The following SNX29 variants were observed in gnomAD, a reference collection of about 807,000 sequenced individuals.
SNX29 encodes the protein sorting nexin 29.
Under a neutral mutation model 102.1 loss-of-function variants are expected in SNX29, and 78 were observed. The observed-to-expected ratio is 0.76, with a 90% confidence interval of 0.64 to 0.92. The LOEUF (loss-of-function observed/expected upper bound fraction) is 0.92, where lower values mean the gene tolerates loss of function less well. Ranked by LOEUF, SNX29 falls within the 40% of genes least tolerant of loss-of-function variation. The pLI, the probability that SNX29 is intolerant of heterozygous loss-of-function variation, is 0.00. For synonymous variants in SNX29, 580 were observed against 414.5 expected (o/e 1.40, Z -4.85); for missense variants, 1,280 against 1,061.7 (o/e 1.21, Z -2.86).
intron 19 of SNX29, among the ~76,000 whole-genome samples, chr16:12,479,291 A>C (rs1171553229): frequency 6.6e-6 from 1 of 152,230 alleles, no homozygotes; most frequent in Admixed American, 6.5e-5. Context: ...TGTCTTCAGG[A>C]GGTACCGTGC....
chr16:12,425,671 GC>G (rs1470106727), intron 18 of SNX29, among the ~76,000 whole-genome samples: 1 of 152,056 alleles, frequency 6.6e-6, no homozygotes, highest in Non-Finnish European at 1.5e-5. Flanking sequence ...TCCCAGGGCA[GC>G]CTGGGCCAGT....
At chr16:12,475,220 C>G (rs536463934) in intron 18 of SNX29, among the ~76,000 whole-genome samples, 1 of 152,286 alleles carries the variant, frequency 6.6e-6, no homozygotes, top group African/African-American at 2.4e-5. Context: ...GCCCACTCGT[C>G]AGAATCACTG....
At chr16:12,370,237 CA>C (rs2082633920) in intron 16 of SNX29, among the ~76,000 whole-genome samples, 1 of 151,626 alleles carries the variant, frequency 6.6e-6, no homozygotes, top group East Asian at 1.9e-4. Context: ...CAAAACAAAA[CA>C]AAAACAAAAA....
At chr16:12,296,734 A>G (rs888134823) in intron 15 of SNX29, among the ~76,000 whole-genome samples, 1 of 152,222 alleles carries the variant, frequency 6.6e-6, no homozygotes, top group African/African-American at 2.4e-5. Context: ...TGCTGTTTTG[A>G]GTGCCAGTCA....
intron 15 of SNX29, among the ~76,000 whole-genome samples, chr16:12,327,944 C>G (rs561315132): frequency 3.3e-5 from 5 of 152,306 alleles, no homozygotes; most frequent in African/African-American, 1.2e-4. Flanking sequence ...CGCATAATCT[C>G]CGTGTGGAGT....
intron 4 of SNX29, among the ~76,000 whole-genome samples, chr16:12,034,648 T>C (rs996014407): frequency 2.0e-5 from 3 of 152,126 alleles, no homozygotes; most frequent in Non-Finnish European, 4.4e-5. Context: ...TGTCTCAGCA[T>C]GTTAAGATCT....
At chr16:12,413,743 C>T (rs953121047) in intron 18 of SNX29, among the ~76,000 whole-genome samples, 1 of 152,232 alleles carries the variant, frequency 6.6e-6, no homozygotes, top group Non-Finnish European at 1.5e-5. Context: ...TCACGCCAGG[C>T]GCCCTGCCCC....
chr16:12,071,885 A>G (rs2051316666), intron 10 of SNX29, among the ~76,000 whole-genome samples: 1 of 152,196 alleles, frequency 6.6e-6, no homozygotes, highest in South Asian at 2.1e-4. Flanking sequence ...GAGGTCCTTC[A>G]CGTCCCTTGT....
At chr16:12,152,063 A>G (rs1015242206) in intron 13 of SNX29, among the ~76,000 whole-genome samples, 1 of 152,178 alleles carries the variant, frequency 6.6e-6, no homozygotes, top group African/African-American at 2.4e-5. Flanking sequence ...TACAAAAAAT[A>G]TAAAGAAATT....
At chr16:11,988,880 A>G (rs1331619413) in intron 1 of SNX29, among the ~76,000 whole-genome samples, 1 of 152,212 alleles carries the variant, frequency 6.6e-6, no homozygotes, top group Non-Finnish European at 1.5e-5. Context: ...CAATGGCAGA[A>G]TTGAGTAACT....
At position 11,986,128 on chromosome 16, in the gene SNX29, G is replaced by A. The variant is rs529838379; in HGVS notation, c.7+9315G>A. Among the ~76,000 whole-genome samples the A allele has an allele frequency of 2.6e-5, 4 of 152,080 alleles. No individual in the cohort carries two copies. In the South Asian group the frequency reaches 8.3e-4, roughly 32 times the overall value. Reference sequence around the variant, plus strand: ...CCAGAATTGCCTTTTCCTGAGGTGGGAGAGCCAGTAGGGGAGCAGGTTAGG... The same window carrying A: ...CCAGAATTGCCTTTTCCTGAGGTGGAAGAGCCAGTAGGGGAGCAGGTTAGG... On this transcript the variant is annotated intron_variant, in intron 1 of 20. Transcript: ENST00000566228.
chr16:12,518,242 T>A (rs1024099138), intron 19 of SNX29, among the ~76,000 whole-genome samples: 1 of 152,118 alleles, frequency 6.6e-6, no homozygotes, highest in African/African-American at 2.4e-5. Flanking sequence ...TCAGATCAGC[T>A]ACCTGATGCC....
In SNX29 at chr16:12,459,725, G is replaced by T. The variant is rs575152837; in HGVS notation, c.2038-17994G>T. Among the ~76,000 whole-genome samples the T allele has an allele frequency of 2.0e-5, 3 of 152,260 alleles. No individual in the cohort carries two copies. In the South Asian group the frequency reaches 6.2e-4, roughly 32 times the overall value. ...CAGAGGAGCAGAGCAGCATGGCCTC[G>T]CAGCTAACCTTGGACTTGGGTGGCT... On this transcript the variant is annotated intron_variant, in intron 18 of 20. Coordinates refer to ENST00000566228, the MANE Select transcript of SNX29 (RefSeq NM_032167.5).
intron 3 of SNX29, among the ~76,000 whole-genome samples, chr16:12,008,145 C>T (rs538345700): frequency 1.1e-4 from 16 of 152,246 alleles, no homozygotes; most frequent in South Asian, 4.1e-4. Flanking sequence ...GGGGTTTCAC[C>T]GTGTTAGCCA....
intron 13 of SNX29, among the ~76,000 whole-genome samples, chr16:12,132,017 GCA>G (rs2054488220): frequency 6.6e-6 from 1 of 151,968 alleles, no homozygotes; most frequent in Non-Finnish European, 1.5e-5. Context: ...CCGCATAATT[GCA>G]TTTAATGTTC....
At chr16:12,279,118 G>A (rs2079348489) in intron 15 of SNX29, among the ~76,000 whole-genome samples, 1 of 152,140 alleles carries the variant, frequency 6.6e-6, no homozygotes, top group Non-Finnish European at 1.5e-5. Context: ...ATGTCTGTAT[G>A]TACATACATA....
At chr16:12,019,500 T>C (rs190869259) in intron 3 of SNX29, among the ~76,000 whole-genome samples, 19 of 152,014 alleles carry the variant, frequency 1.2e-4, no homozygotes, top group Admixed American at 3.3e-4. Context: ...CCACCGCGCC[T>C]GGCAACTATG....
chr16:12,545,102 C>T (rs981572633), intron 20 of SNX29, among the ~76,000 whole-genome samples: 5 of 152,108 alleles, frequency 3.3e-5, no homozygotes, highest in Admixed American at 6.5e-5. Flanking sequence ...ACCCAGGCTG[C>T]AGTAGCCAGC....
At chr16:12,261,928 G>C (rs1449987293) in intron 14 of SNX29, among the ~76,000 whole-genome samples, 1 of 145,724 alleles carries the variant, frequency 6.9e-6, no homozygotes, top group East Asian at 2.1e-4. Flanking sequence ...AGTGGTTCCT[G>C]AGCCCAGGTC....
Sources: gnomAD v4.1 joint callset for allele counts (sites outside exome capture counted in the v4.1 genomes callset) on GRCh38, gnomAD v4.1.1 for gene constraint, MANE v1.5 for transcripts, NCBI Gene and HGNC (gene_info 2026-07-23, HGNC 2026-07-21) for gene names.